Variants in LRP1B observed in about 807,000 individuals in gnomAD.
LRP1B encodes LDL receptor related protein 1B, also known as low-density lipoprotein receptor-related protein 1B.
Under a neutral mutation model 556.6 loss-of-function variants are expected in LRP1B, and 217 were observed. That is an observed-to-expected ratio of 0.39 (90% CI 0.35 to 0.44). The LOEUF is 0.44. LRP1B is among the 20% of genes least tolerant of loss of function. The probability of loss-of-function intolerance (pLI) is 1.00; values close to 1 mark genes in which losing one functional copy is unlikely to be tolerated. For synonymous variants in LRP1B, 2,047 were observed against 1,865.8 expected, an observed-to-expected ratio of 1.10 and a Z score of -2.50; for missense variants, 5,053 against 5,620.8, an observed-to-expected ratio of 0.90 and a Z score of 3.23.
At chr2:140,797,754 G>T (rs1026795399) in intron 32 of LRP1B, among the ~76,000 whole-genome samples, 2 of 151,966 alleles carry the variant, frequency 1.3e-5, no homozygotes, top group African/African-American at 4.8e-5. Flanking sequence ...CTAGAATAAA[G>T]GTTCTGTAGA....
intron 19 of LRP1B, 29 bp downstream of exon 19, chr2:140,951,831 G>A (rs200225277): frequency 2.6e-6 from 4 of 1,561,726 alleles, no homozygotes; most frequent in Admixed American, 3.3e-5. Context: ...GATCAAATTA[G>A]TGCTATACAG....
chr2:141,208,785 C>T (rs1037783177), intron 6 of LRP1B, among the ~76,000 whole-genome samples: 8 of 144,512 alleles, frequency 5.5e-5, no homozygotes, highest in South Asian at 2.3e-4. Flanking sequence ...AGGAGCATGG[C>T]GTGAACCTGG....
intron 2 of LRP1B, among the ~76,000 whole-genome samples, chr2:141,640,066 T>C (rs1251157915): frequency 6.6e-6 from 1 of 152,182 alleles, no homozygotes; most frequent in East Asian, 1.9e-4. Context: ...TCATCACCTA[T>C]AATAACTTAT....
chr2:140,578,683 A>G (rs933703242), intron 43 of LRP1B, among the ~76,000 whole-genome samples: 1 of 152,180 alleles, frequency 6.6e-6, no homozygotes. Flanking sequence ...TGGCACATGT[A>G]TACATATGTA....
intron 2 of LRP1B, among the ~76,000 whole-genome samples, chr2:141,734,344 T>G (rs1341727813): frequency 6.6e-6 from 1 of 152,144 alleles, no homozygotes; most frequent in African/African-American, 2.4e-5. Context: ...ATATAAATTG[T>G]TCAGATTCAT....
intron 3 of LRP1B, among the ~76,000 whole-genome samples, chr2:141,395,676 A>C (rs1283826889): frequency 6.6e-6 from 1 of 152,154 alleles, no homozygotes; most frequent in African/African-American, 2.4e-5. Flanking sequence ...CCCAATTACA[A>C]ATTTTCTAAG....
At chr2:141,159,600 G>A (rs12614617) in intron 7 of LRP1B, among the ~76,000 whole-genome samples, 5,091 of 152,130 alleles carry the variant, frequency 0.033, 140 homozygotes, top group East Asian at 0.16. Context: ...GTAATTAATC[G>A]AAAGACAATT....
intron 2 of LRP1B, among the ~76,000 whole-genome samples, chr2:141,716,756 G>C (rs1692609277): frequency 6.6e-6 from 1 of 152,252 alleles, no homozygotes; most frequent in South Asian, 2.1e-4. Flanking sequence ...GTGACTAAAA[G>C]CAATAACGTG....
At chr2:141,741,125 T>TC (rs1306273035) in intron 2 of LRP1B, among the ~76,000 whole-genome samples, 1 of 152,124 alleles carries the variant, frequency 6.6e-6, no homozygotes, top group Non-Finnish European at 1.5e-5. Context: ...TGAATAGTAC[T>TC]CCATGGTGTA....
At chr2:141,511,213 T>C (rs1684119817) in intron 2 of LRP1B, among the ~76,000 whole-genome samples, 1 of 152,142 alleles carries the variant, frequency 6.6e-6, no homozygotes, top group Non-Finnish European at 1.5e-5. Flanking sequence ...GACTTAATTA[T>C]AATTTATATG....
At chr2:141,026,840 T>C (rs1260552068) in intron 11 of LRP1B, among the ~76,000 whole-genome samples, 1 of 152,020 alleles carries the variant, frequency 6.6e-6, no homozygotes, top group Non-Finnish European at 1.5e-5. Context: ...TTCAGTATGC[T>C]AGGAATAAAA....
At chr2:141,029,171 A>G (rs1265769575) in intron 11 of LRP1B, among the ~76,000 whole-genome samples, 1 of 152,156 alleles carries the variant, frequency 6.6e-6, no homozygotes, top group African/African-American at 2.4e-5. Context: ...GAAGAGTTAC[A>G]GGGCTATTAT....
At chr2:140,807,155 A>G (rs1375652803) in intron 32 of LRP1B, among the ~76,000 whole-genome samples, 4 of 152,168 alleles carry the variant, frequency 2.6e-5, no homozygotes, top group African/African-American at 9.7e-5. Context: ...AAAATGTCAA[A>G]AGTTGTGAGG....
chr2:140,631,349 T>A (rs901431160), intron 41 of LRP1B, among the ~76,000 whole-genome samples: 1 of 152,160 alleles, frequency 6.6e-6, no homozygotes. Context: ...ATAGCAGAGA[T>A]TTTGGAGTTA....
chr2:141,139,801 G>T (rs1325776222), intron 7 of LRP1B, among the ~76,000 whole-genome samples: 4 of 151,526 alleles, frequency 2.6e-5, no homozygotes, highest in African/African-American at 9.7e-5. Flanking sequence ...GTGTGTGTGT[G>T]TGTGTGTGTG....
At chr2:141,127,784 C>T (rs1233053648) in intron 7 of LRP1B, among the ~76,000 whole-genome samples, 1 of 151,786 alleles carries the variant, frequency 6.6e-6, no homozygotes, top group Non-Finnish European at 1.5e-5. Context: ...TAAAAAAAAT[C>T]ACGCTAAGAG....
At chr2:142,086,324 G>A (rs1037454008) in intron 1 of LRP1B, among the ~76,000 whole-genome samples, 2 of 152,052 alleles carry the variant, frequency 1.3e-5, no homozygotes, top group African/African-American at 2.4e-5. Context: ...ATTTCTAGCA[G>A]TTAGTCTCTT....
intron 35 of LRP1B, among the ~76,000 whole-genome samples, chr2:140,737,034 A>C (rs565722723): frequency 1.6e-4 from 24 of 152,302 alleles, no homozygotes; most frequent in African/African-American, 5.8e-4. Context: ...GCTGTTTAAC[A>C]TCTACAACAC....
intron 6 of LRP1B, among the ~76,000 whole-genome samples, chr2:141,213,536 C>A (rs536106116): frequency 6.6e-6 from 1 of 152,200 alleles, no homozygotes; most frequent in African/African-American, 2.4e-5. Context: ...GGGAAGAAAC[C>A]AAAGTCCCTG....
Sources: allele counts gnomAD v4.1 joint callset (sites outside exome capture counted in the v4.1 genomes callset), GRCh38; gene constraint gnomAD v4.1.1; transcripts MANE v1.5; gene names NCBI Gene and HGNC (gene_info 2026-07-23, HGNC 2026-07-21).